The following TLE2 variants were observed in gnomAD, a reference collection of about 807,000 sequenced individuals.
The protein encoded by TLE2 is TLE family member 2, transcriptional corepressor, also known as transducin-like enhancer protein 2.
In TLE2, 74 loss-of-function variants were observed where a neutral mutation model predicts 97.2. The observed-to-expected ratio is 0.76, with a 90% CI of 0.63 to 0.92. The LOEUF (loss-of-function observed/expected upper bound fraction) is 0.92. Ranked by LOEUF, TLE2 falls within the 40% of genes least tolerant of loss-of-function variation. TLE2 has a pLI of 0.00. For missense variants in TLE2, 1,038 were observed against 1,008.7 expected, an observed-to-expected ratio of 1.03 and a Z score of -0.39; for synonymous variants, 499 against 432.1, an observed-to-expected ratio of 1.15 and a Z score of -1.92.
chr19:3,045,055 A>G (rs1179374793), intron 1 of TLE2, among the ~76,000 whole-genome samples: 1 of 149,022 alleles, frequency 6.7e-6, no homozygotes, highest in Non-Finnish European at 1.5e-5. Context: ...TTGTCCCTAC[A>G]AAAAAAAAAT....
upstream of TLE2, among the ~76,000 whole-genome samples, chr19:3,030,950 CAAAAAA>C (rs60265159): frequency 9.7e-5 from 11 of 112,934 alleles, no homozygotes; most frequent in African/African-American, 3.3e-4. Context: ...GACCTTGTCT[CAAAAAA>C]AAAAAAAAAA....
chr19:3,009,273 T>C (rs2015976687), intron 13 of TLE2, among the ~76,000 whole-genome samples: 1 of 152,218 alleles, frequency 6.6e-6, no homozygotes. Context: ...TGCCTGTTTT[T>C]GTAAACAGTG....
chr19:3,024,281 C>CA (rs2089902300), intron 5 of TLE2, among the ~76,000 whole-genome samples: 1 of 152,020 alleles, frequency 6.6e-6, no homozygotes, highest in South Asian at 2.1e-4. Flanking sequence ...GCTGGGATTA[C>CA]AGGCAGGAGC....
At chr19:3,041,867 C>A (rs2090105684) in intron 1 of TLE2, among the ~76,000 whole-genome samples, 1 of 152,174 alleles carries the variant, frequency 6.6e-6, no homozygotes, top group Non-Finnish European at 1.5e-5. Context: ...GCCTAGGGAC[C>A]TGCCCACGGT....
upstream of TLE2, among the ~76,000 whole-genome samples, chr19:3,046,637 T>C (rs2090143196): frequency 7.1e-6 from 1 of 139,900 alleles, no homozygotes; most frequent in African/African-American, 2.6e-5. Flanking sequence ...TTCTCCTCCC[T>C]CCACTGAGAA....
At chr19:3,028,407 G>C in intron 2 of TLE2, 25 bp from the exon 3 acceptor site, 1 of 1,582,974 alleles carries the variant, frequency 6.3e-7, no homozygotes, top group Non-Finnish European at 8.6e-7. Flanking sequence ...GAGGGCAAGG[G>C]GCTCCCACCC....
intron 1 of TLE2, among the ~76,000 whole-genome samples, chr19:3,042,838 A>AT (rs34848381): frequency 1.3e-5 from 2 of 151,832 alleles, no homozygotes; most frequent in Admixed American, 6.6e-5. Context: ...ATGAAAGGAA[A>AT]TTTTTTTTAA....
At chr19:3,025,454 G>A (rs1254801262) in intron 4 of TLE2, 5 of 1,040,192 alleles carry the variant, frequency 4.8e-6, no homozygotes, top group South Asian at 4.3e-5. Flanking sequence ...AAAGGAAAGG[G>A]GCCTCCGCCT....
rs779319519 is a variant in TLE2, at chr19:3,019,506, G to T, written c.370-43C>A. On this transcript the variant is annotated intron_variant, in intron 6 of 19. Transcript: ENST00000262953. This position sits in a 1 kb window ranked among gnomAD's most constrained non-coding sequence, Gnocchi z 5.1. ...GGATGGGCCGGGGCGGGGGGCGGCA[G>T]GAGCCCAGCGGTCCCCAGCCCAAGA... The T allele has an allele frequency of 6.7e-7, 1 of 1,482,506 alleles. No individual in the cohort carries two copies. The highest frequency in any genetic ancestry group is 1.4e-5 in the African/African-American group (1 of 71,724). The allele number at this position is 1,482,506 out of a possible 1,614,324, so 91.8% of individuals were successfully genotyped here. A position where few individuals can be genotyped will look rare whatever the true frequency, so the allele number is the denominator to read the frequency against.
chr19:3,020,847 A>T (rs563661833), intron 5 of TLE2, among the ~76,000 whole-genome samples: 34 of 152,210 alleles, frequency 2.2e-4, no homozygotes, highest in African/African-American at 7.9e-4. Context: ...GCACTTTGGG[A>T]GGCCAAGGCA....
At chr19:3,009,970 T>C (rs12460154) in intron 12 of TLE2, among the ~76,000 whole-genome samples, 31,212 of 150,920 alleles carry the variant, frequency 0.21, 3,404 homozygotes, top group Admixed American at 0.24. Flanking sequence ...CTGAAACCTC[T>C]GCCTCCTGGG....
upstream of TLE2, among the ~76,000 whole-genome samples, chr19:3,032,649 G>C (rs952198841): frequency 6.6e-6 from 1 of 152,238 alleles, no homozygotes; most frequent in East Asian, 1.9e-4. The surrounding 1 kb of genome is among the most constrained non-coding windows in gnomAD (Gnocchi z 4.1). Context: ...AGGTCTCTGC[G>C]GGGCCTGGCA....
upstream of TLE2, among the ~76,000 whole-genome samples, chr19:3,034,069 C>G (rs559190690): frequency 6.6e-5 from 10 of 152,130 alleles, no homozygotes; most frequent in South Asian, 2.1e-3. Flanking sequence ...AACTGGGCAT[C>G]TCCCCTAGAG....
At chr19:3,029,421 G>C (rs2090002388), upstream of TLE2, 4 of 833,914 alleles carry the variant, frequency 4.8e-6, no homozygotes, top group East Asian at 1.3e-4. Context: ...CCTTCCTTCA[G>C]TCCCTGGGCC....
At chr19:3,010,227 G>A (rs1276301321) in intron 12 of TLE2, among the ~76,000 whole-genome samples, 3 of 151,962 alleles carry the variant, frequency 2.0e-5, no homozygotes, top group Non-Finnish European at 4.4e-5. Context: ...AGCTGGGCAT[G>A]GTGGTGCATG....
At chr19:3,037,096 C>T (rs995243538) in intron 1 of TLE2, among the ~76,000 whole-genome samples, 1 of 152,122 alleles carries the variant, frequency 6.6e-6, no homozygotes, top group Non-Finnish European at 1.5e-5. Context: ...ACCAGCCTGG[C>T]CAACATAGTG....
At position 3,019,280 on chromosome 19, in the gene TLE2, C is replaced by A; in HGVS notation, c.550+3G>T. On this transcript the variant is annotated splice_donor_region_variant and intron_variant, in intron 7 of 19. Coordinates refer to ENST00000262953, the MANE Select transcript of TLE2 (RefSeq NM_003260.5). This position sits in a 1 kb window ranked among gnomAD's most constrained non-coding sequence, Gnocchi z 5.1. ...CCAATGCCACCCCGTGCTGCCCACT[C>A]ACCTCTGGACCCCTCGGCCTCCACG... 6.4e-7 allele frequency: 1 copy of A among 1,572,864 alleles called. No individual in the cohort carries two copies. The highest frequency in any genetic ancestry group is 1.3e-5 in the African/African-American group (1 of 74,238).
chr19:3,046,369 T>C (rs902750858), upstream of TLE2, among the ~76,000 whole-genome samples: 5 of 152,230 alleles, frequency 3.3e-5, no homozygotes, highest in African/African-American at 1.2e-4. Context: ...TGACTGTGAA[T>C]GTCTAATGCG....
intron 10 of TLE2, 148 bp from the exon 11 acceptor site, chr19:3,013,966 A>T: frequency 1.2e-6 from 1 of 813,356 alleles, no homozygotes; most frequent in Non-Finnish European, 1.7e-6. Context: ...CTGCTGCCTC[A>T]GTTTACTCAT....
Sources: allele counts gnomAD v4.1 joint callset (sites outside exome capture counted in the v4.1 genomes callset), GRCh38; gene constraint gnomAD v4.1.1; non-coding constraint Gnocchi (gnomAD v3.1); transcripts MANE v1.5; gene names NCBI Gene and HGNC (gene_info 2026-07-23, HGNC 2026-07-21).